Variants in TSBP1 observed in about 807,000 individuals in gnomAD.
TSBP1 encodes testis-expressed basic protein 1.
In TSBP1, 56 loss-of-function variants were observed where a neutral mutation model predicts 68.8. The ratio of observed to expected loss-of-function variants is 0.81; its 90% confidence interval spans 0.66 to 1.02. TSBP1 has a LOEUF of 1.02. TSBP1 is among the 50% of genes least tolerant of loss of function. The pLI, the probability that TSBP1 is intolerant of heterozygous loss-of-function variation, is 0.00. For synonymous variants in TSBP1, 171 were observed against 208.7 expected (o/e 0.82, Z 1.56); for missense variants, 502 against 641.2 (o/e 0.78, Z 2.34).
intron 19 of TSBP1, among the ~76,000 whole-genome samples, chr6:32,310,070 A>G (rs947504342): frequency 1.3e-5 from 2 of 152,174 alleles, no homozygotes; most frequent in Non-Finnish European, 2.9e-5. Flanking sequence ...GTTGTTGCAA[A>G]TGATAGGATC....
At chr6:32,360,625 ACTGTT>A (rs1332920774) in intron 6 of TSBP1, among the ~76,000 whole-genome samples, 2 of 152,176 alleles carry the variant, frequency 1.3e-5, no homozygotes, top group Non-Finnish European at 2.9e-5. Flanking sequence ...GAACCACAAT[ACTGTT>A]TTCCATAATG....
rs9268365 is a variant in TSBP1 at position 32,365,662 on chromosome 6, G to T, written c.217+505C>A. On this transcript the variant is annotated intron_variant, in intron 6 of 22. Coordinates refer to ENST00000612031, the Ensembl canonical transcript of TSBP1. The surrounding 1 kb of genome is among the most constrained non-coding windows in gnomAD (Gnocchi z 4.3). Reference sequence around the variant, plus strand: ...ATTAAGTTCTGCACATTTTTTCTGTGGGAGAAATTGTGGGCCAAGTGGGTC... The same window carrying T: ...ATTAAGTTCTGCACATTTTTTCTGTTGGAGAAATTGTGGGCCAAGTGGGTC... 0.25 allele frequency: 115,421 copies of T among 453,662 alleles called. 16,819 individuals carry two copies. The highest frequency in any genetic ancestry group is 0.44 in the African/African-American group (22,101 of 50,000). The allele number at this position is 453,662 out of a possible 1,614,324, so 28.1% of individuals were successfully genotyped here. A position where few individuals can be genotyped will look rare whatever the true frequency, so the allele number is the denominator to read the frequency against.
At chr6:32,345,237 G>T (rs1770871353) in intron 9 of TSBP1, among the ~76,000 whole-genome samples, 1 of 147,446 alleles carries the variant, frequency 6.8e-6, no homozygotes. Context: ...ACTTTCCTTA[G>T]TTTCCCTATG....
At chr6:32,295,349 CA>C (rs3038432) in intron 22 of TSBP1, among the ~76,000 whole-genome samples, 1,647 of 90,570 alleles carry the variant, frequency 0.018, 31 homozygotes, top group East Asian at 0.055. Context: ...CACACACACA[CA>C]AAAAAAAAAA....
chr6:32,363,183 C>T (rs1773262858), intron 6 of TSBP1, among the ~76,000 whole-genome samples: 1 of 151,994 alleles, frequency 6.6e-6, no homozygotes, highest in Admixed American at 6.6e-5. Flanking sequence ...TAAGTATAGC[C>T]ACCCCTACCG....
chr6:32,323,252 A>G (rs1420853497), intron 17 of TSBP1, 115 bp from the exon 19 acceptor site: 5 of 707,010 alleles, frequency 7.1e-6, no homozygotes, highest in African/African-American at 1.8e-5. Flanking sequence ...CTAAATTATG[A>G]TTCTATGACT....
chr6:32,293,854 C>A (rs1454152588), exon 23 of TSBP1: 1 of 1,613,030 alleles, frequency 6.2e-7, no homozygotes, highest in Admixed American at 1.7e-5. Flanking sequence ...CTCTTTCTGG[C>A]TCCTTTATGT....
chr6:32,349,652 C>T lies in TSBP1; in HGVS notation c.349+88G>A, dbSNP rs1026602817. On this transcript the variant is annotated intron_variant, in intron 9 of 22. Transcript: ENST00000612031. Reference sequence around the variant, plus strand: ...AGCTTAAGCTTCTGCTGTGCTGCAGCGAAGAAGTCTGGGAAGTTTAGGAAG... The same window carrying T: ...AGCTTAAGCTTCTGCTGTGCTGCAGTGAAGAAGTCTGGGAAGTTTAGGAAG... The T allele has an allele frequency of 1.2e-4, 92 of 772,136 alleles. No homozygotes were observed. The African/African-American group carries it at 1.3e-3, about 11-fold the overall frequency. 47.8% of individuals were successfully genotyped at this position (772,136 alleles called of 1,614,324 possible).
At chr6:32,370,041 C>T (rs1179234774) in intron 1 of TSBP1, 58 bp from the exon 2 acceptor site, 6 of 1,118,758 alleles carry the variant, frequency 5.4e-6, no homozygotes, top group African/African-American at 1.5e-5. Flanking sequence ...TTACCAGAAA[C>T]AACTTCTGAT....
At chr6:32,331,658 C>A (rs1318386864) in intron 15 of TSBP1, among the ~76,000 whole-genome samples, 1 of 152,122 alleles carries the variant, frequency 6.6e-6, no homozygotes, top group African/African-American at 2.4e-5. Flanking sequence ...GGGCCAGAAC[C>A]CCCTCATCAT....
chr6:32,344,362 C>G (rs1472318565), intron 9 of TSBP1, among the ~76,000 whole-genome samples: 2 of 149,418 alleles, frequency 1.3e-5, no homozygotes, highest in African/African-American at 5.0e-5. Flanking sequence ...AATTCACAAA[C>G]TAAAGCCCTG....
Position 32,340,842 on chromosome 6 carries a change from C to T in TSBP1, c.350-1204G>A, listed in dbSNP as rs1415096805. 1.3e-5 allele frequency among the ~76,000 whole-genome samples: 2 copies of T among 151,832 alleles called. No homozygotes were observed. The highest frequency in any genetic ancestry group is 1.9e-4 in the East Asian group (1 of 5,176). ...AGACAATCTCTCTCTGTCACCCAGA[C>T]TGGAGTGCAGTGGCACAGTCTCGGC... On this transcript the variant is annotated intron_variant, in intron 9 of 22. Transcript: ENST00000612031. This position sits in a 1 kb window ranked among gnomAD's most constrained non-coding sequence, Gnocchi z 4.8.
At position 32,300,671 on chromosome 6, in the gene TSBP1, C is replaced by T; in HGVS notation, c.622+9G>A. The T allele has an allele frequency of 6.2e-7, 1 of 1,612,340 alleles. No individual in the cohort carries two copies. Among genetic ancestry groups the T allele is most frequent in the Non-Finnish European group, 8.5e-7 (1 of 1,179,426 alleles). ...AAATAGGTAAGGCAAGGAAATGATC[C>T]AAACTTACTGATTTTTCCAGAACTG... On this transcript the variant is annotated intron_variant, in intron 21 of 22. Transcript: ENST00000612031.
At chr6:32,297,407 G>A (rs551364559) in intron 22 of TSBP1, among the ~76,000 whole-genome samples, 6 of 152,228 alleles carry the variant, frequency 3.9e-5, no homozygotes, top group Non-Finnish European at 1.5e-5. Context: ...ATTAATTTTT[G>A]TTAAAGCTAA....
chr6:32,319,045 TTTAA>T (rs1286913738), intron 18 of TSBP1, among the ~76,000 whole-genome samples: 1 of 152,172 alleles, frequency 6.6e-6, no homozygotes, highest in Non-Finnish European at 1.5e-5. Context: ...GGTCAGATTA[TTTAA>T]TTAATTAGTC....
At chr6:32,363,689 A>T (rs200310198) in intron 6 of TSBP1, among the ~76,000 whole-genome samples, 2 of 42,114 alleles carry the variant, frequency 4.7e-5, no homozygotes, top group Admixed American at 3.5e-4. Flanking sequence ...ATTTACATTT[A>T]AAAAAATTGT....
In TSBP1 at chr6:32,295,334, T is replaced by TCA. The variant is rs201473295; in HGVS notation, c.638-1301_638-1300dup. Among the ~76,000 whole-genome samples the TCA allele has an allele frequency of 2.3e-3, 226 of 97,470 alleles. 4 individuals are homozygous for TCA. Among genetic ancestry groups the TCA allele is most frequent in the East Asian group, 6.2e-3 (18 of 2,908 alleles). The allele number at this position is 97,470 out of a possible 152,430, so 63.9% of individuals were successfully genotyped here. ...CTAGGTGACAGAGTGATACTCCATC[T>TCA]CACACACACACACACAAAAAAAAAA... On this transcript the variant is annotated intron_variant, in intron 22 of 22. Transcript: ENST00000612031.
rs115378818 is a variant in TSBP1 at position 32,333,650 on chromosome 6, C to T, written c.473-1596G>A. Among the ~76,000 whole-genome samples, 1,137 of 152,308 alleles carry T rather than the reference C, an allele frequency of 7.5e-3. 7 individuals carry two copies. The highest frequency in any genetic ancestry group is 0.012 in the Non-Finnish European group (805 of 68,030). ...CACAGCAGAGGGATAGCTGTTAATG[C>T]CCTTGCTGGCAAACTGTGCTTCCTC... On this transcript the variant is annotated intron_variant, in intron 14 of 22. Transcript: ENST00000612031. This position sits in a 1 kb window ranked among gnomAD's most constrained non-coding sequence, Gnocchi z 4.2.
chr6:32,310,761 A>ATATATATATAT, intron 19 of TSBP1, among the ~76,000 whole-genome samples: 29 of 144,822 alleles, frequency 2.0e-4, no homozygotes, highest in African/African-American at 5.6e-4. Context: ...ATATATATAT[A>ATATATATATAT]TTTTTAATCT....
Sources: allele counts gnomAD v4.1 joint callset (sites outside exome capture counted in the v4.1 genomes callset), GRCh38; gene constraint gnomAD v4.1.1; non-coding constraint Gnocchi (gnomAD v3.1); transcripts MANE v1.5; gene names NCBI Gene and HGNC (gene_info 2026-07-23, HGNC 2026-07-21).